The following NDUFA8 variants were observed in gnomAD, a reference collection of about 807,000 sequenced individuals.
NDUFA8 encodes the protein NADH dehydrogenase [ubiquinone] 1 alpha subcomplex subunit 8.
Under a neutral mutation model 20.9 loss-of-function variants are expected in NDUFA8, and 16 were observed. The ratio of observed to expected loss-of-function variants is 0.77; its 90% CI spans 0.52 to 1.16. The LOEUF is 1.16. Ranked by LOEUF, NDUFA8 falls within the 50% of genes most tolerant of loss-of-function variation. NDUFA8 has a pLI of 0.00. For synonymous variants in NDUFA8, 70 were observed against 76.1 expected (o/e 0.92, Z 0.41); for missense variants, 202 against 216.4 (o/e 0.93, Z 0.42).
chr9:122,145,364 CT>C (rs1364196826), intron 3 of NDUFA8, among the ~76,000 whole-genome samples: 7 of 152,132 alleles, frequency 4.6e-5, no homozygotes, highest in African/African-American at 1.4e-4. Flanking sequence ...ACAGTATCCC[CT>C]GATGGTCACA....
the NDUFA8 span, among the ~76,000 whole-genome samples, chr9:122,134,747 T>G: frequency 1.3e-5 from 2 of 152,178 alleles, no homozygotes; most frequent in African/African-American, 4.8e-5. Context: ...TCTTTGGGCC[T>G]CCGTTTCCCC....
At chr9:122,134,208 G>A in the NDUFA8 span, among the ~76,000 whole-genome samples, 1 of 152,202 alleles carries the variant, frequency 6.6e-6, no homozygotes, top group African/African-American at 2.4e-5. Flanking sequence ...TCATGATTCA[G>A]AGTCAATTCA....
chr9:122,149,295 C>T (rs559142874), intron 2 of NDUFA8, among the ~76,000 whole-genome samples: 62 of 152,308 alleles, frequency 4.1e-4, no homozygotes, highest in Middle Eastern at 6.8e-3. Context: ...TCCTAGAGGT[C>T]CACCAATGTC....
chr9:122,158,030 G>GAA (rs141269208), intron 1 of NDUFA8, among the ~76,000 whole-genome samples: 16,126 of 152,122 alleles, frequency 0.11, 1,083 homozygotes, highest in East Asian at 0.19. Context: ...ATGAGCGCCT[G>GAA]TAGTCGCAGT....
Position 122,159,772 on chromosome 9 carries a change from C to G in NDUFA8, c.-95G>C. On this transcript the variant is annotated 5_prime_UTR_variant, in exon 1 of 4. Coordinates refer to ENST00000373768, the MANE Select transcript of NDUFA8 (RefSeq NM_014222.3). Reference sequence around the variant, plus strand: ...TCGACCGCCGAGTGCCACACGGCGCCTGCGCATGCGCATCCGGCAACACGC... The same window carrying G: ...TCGACCGCCGAGTGCCACACGGCGCGTGCGCATGCGCATCCGGCAACACGC... 1 of 1,572,466 alleles carries G rather than the reference C, an allele frequency of 6.4e-7. No homozygotes were observed. The highest frequency in any genetic ancestry group is 8.7e-7 in the Non-Finnish European group (1 of 1,143,438).
chr9:122,149,988 C>T (rs929497055), intron 2 of NDUFA8, among the ~76,000 whole-genome samples: 2 of 151,898 alleles, frequency 1.3e-5, no homozygotes, highest in African/African-American at 2.4e-5. Flanking sequence ...TAAATAAACA[C>T]ACACACAGAC....
Position 122,159,692 on chromosome 9 carries a change from CGACCCCGACGA to C in NDUFA8, c.-26_-16del, listed in dbSNP as rs1564412561. Reference sequence around the variant, plus strand: ...ATCCCCGGCATGACGGCTGCAGCCCCGACCCCGACGAGAAGCCCTCAGCCGCGTCGCCCCCG... The same window carrying C: ...ATCCCCGGCATGACGGCTGCAGCCCCGAAGCCCTCAGCCGCGTCGCCCCCG... On this transcript the variant is annotated 5_prime_UTR_variant, in exon 1 of 4. Coordinates refer to ENST00000373768, the MANE Select transcript of NDUFA8 (RefSeq NM_014222.3). 2 of 1,614,116 alleles carry C rather than the reference CGACCCCGACGA, an allele frequency of 1.2e-6. No individual in the cohort carries two copies. The highest frequency in any genetic ancestry group is 2.2e-5 in the South Asian group (2 of 91,084).
chr9:122,133,389 C>T, the NDUFA8 span, among the ~76,000 whole-genome samples: 1 of 152,142 alleles, frequency 6.6e-6, no homozygotes, highest in African/African-American at 2.4e-5. Flanking sequence ...AAGAGCCCTT[C>T]GAGAGGACTC....
chr9:122,158,077 C>T (rs1339056837), intron 1 of NDUFA8, among the ~76,000 whole-genome samples: 1 of 152,126 alleles, frequency 6.6e-6, no homozygotes, highest in Non-Finnish European at 1.5e-5. Flanking sequence ...CGCTTGAACC[C>T]GGGAGGCGGA....
the NDUFA8 span, among the ~76,000 whole-genome samples, chr9:122,138,516 C>T: frequency 7.9e-5 from 12 of 152,206 alleles, no homozygotes; most frequent in Admixed American, 5.2e-4. Context: ...TCCCGGGCCT[C>T]GTTTTGCATA....
At chr9:122,134,649 T>C in the NDUFA8 span, among the ~76,000 whole-genome samples, 7,190 of 152,236 alleles carry the variant, frequency 0.047, 533 homozygotes, top group African/African-American at 0.16. Flanking sequence ...ACTTTTAATA[T>C]TGAGTTGCAG....
In NDUFA8 at chr9:122,144,290, T is replaced by C. The variant is rs201886446; in HGVS notation, c.470A>G (p.Asp157Gly). The stretch of plus-strand genomic sequence containing the variant: ...GCTGCCATGTGTGGCAGGCTGCAGA[T>C]CTCCCTCGATCTCAGGGCTGGGATC... ...RPDPSPEIEG[D>G]LQPATHGSRF... The change falls in exon 4 of 4, where the codon GAT (aspartate) becomes GGT (glycine). Residue 157 changes from aspartate to glycine, a missense_variant. Physicochemically the swap from Asp to Gly is moderately conservative, Grantham distance 94. Coordinates refer to ENST00000373768, the MANE Select transcript of NDUFA8 (RefSeq NM_014222.3). 9.9e-6 allele frequency: 16 copies of C among 1,614,004 alleles called. No individual in the cohort carries two copies. In the African/African-American group the frequency reaches 1.2e-4, roughly 12 times the overall value.
chr9:122,141,563 G>C (rs910873903), downstream of NDUFA8, among the ~76,000 whole-genome samples: 3 of 152,192 alleles, frequency 2.0e-5, no homozygotes, highest in Non-Finnish European at 4.4e-5. Flanking sequence ...CATTAACTCA[G>C]ATAGGGAAGA....
chr9:122,159,035 C>T (rs1329203516), intron 1 of NDUFA8, among the ~76,000 whole-genome samples: 3 of 152,076 alleles, frequency 2.0e-5, no homozygotes, highest in East Asian at 1.9e-4. Context: ...CATGAAAGCA[C>T]GAAGTATATC....
At chr9:122,142,629 C>T (rs143169529), downstream of NDUFA8, among the ~76,000 whole-genome samples, 1 of 152,310 alleles carries the variant, frequency 6.6e-6, no homozygotes, top group East Asian at 1.9e-4. Context: ...CTTAACCTCT[C>T]GCTAAACTTT....
At chr9:122,149,963 A>T (rs889564725) in intron 2 of NDUFA8, among the ~76,000 whole-genome samples, 7 of 152,118 alleles carry the variant, frequency 4.6e-5, no homozygotes, top group African/African-American at 1.7e-4. Context: ...TCTCAAAAAA[A>T]AAAGAAAAAT....
At chr9:122,143,814 T>G (rs545824206), downstream of NDUFA8, among the ~76,000 whole-genome samples, 1 of 152,174 alleles carries the variant, frequency 6.6e-6, no homozygotes, top group Non-Finnish European at 1.5e-5. Flanking sequence ...AGACGTTGGA[T>G]GGAAGGAAAG....
At chr9:122,157,199 C>T (rs995355670) in intron 1 of NDUFA8, among the ~76,000 whole-genome samples, 2 of 152,200 alleles carry the variant, frequency 1.3e-5, no homozygotes, top group Non-Finnish European at 2.9e-5. Context: ...TTGCTCAGAC[C>T]CTACCCTCAC....
intron 2 of NDUFA8, among the ~76,000 whole-genome samples, chr9:122,149,628 T>C (rs1464821038): frequency 6.6e-6 from 1 of 152,152 alleles, no homozygotes; most frequent in Non-Finnish European, 1.5e-5. Flanking sequence ...CACTGGACCA[T>C]GGAAAAAATG....
Sources: gnomAD v4.1 joint callset for allele counts (sites outside exome capture counted in the v4.1 genomes callset) on GRCh38, gnomAD v4.1.1 for gene constraint, MANE v1.5 for transcripts, NCBI Gene and HGNC (gene_info 2026-07-23, HGNC 2026-07-21) for gene names.